PROS1: variants seen among roughly 807,000 people sequenced by gnomAD.
PROS1 encodes vitamin K-dependent protein S.
A neutral mutation model predicts 75.9 loss-of-function variants in PROS1; 29 were observed. The observed-to-expected ratio is 0.38, with a 90% CI of 0.28 to 0.52. PROS1 has a LOEUF of 0.52. Ranked by LOEUF, PROS1 falls within the 20% of genes least tolerant of loss-of-function variation. PROS1 has a pLI of 0.83. For missense variants in PROS1, 680 were observed against 810.3 expected, an observed-to-expected ratio of 0.84 and a Z score of 1.95; for synonymous variants, 245 against 280.6, an observed-to-expected ratio of 0.87 and a Z score of 1.27.
chr3:93,874,469 G>A, intron 14 of PROS1, 64 bp from the exon 15 acceptor site: 14 of 1,588,024 alleles, frequency 8.8e-6, no homozygotes, highest in Non-Finnish European at 1.1e-5. Flanking sequence ...TTTACAGTGA[G>A]AGAAGTCATT....
chr3:93,964,220 A>C (rs932849432), intron 1 of PROS1, among the ~76,000 whole-genome samples: 8 of 152,200 alleles, frequency 5.3e-5, no homozygotes, highest in African/African-American at 1.9e-4. Context: ...TTTAGGGAAC[A>C]AGGGAAGACA....
At chr3:93,904,891 C>T (rs534544759) in intron 6 of PROS1, among the ~76,000 whole-genome samples, 29 of 151,974 alleles carry the variant, frequency 1.9e-4, no homozygotes, top group Middle Eastern at 6.8e-3. Flanking sequence ...TGTTAGAAAG[C>T]TAAACTAACA....
intron 4 of PROS1, among the ~76,000 whole-genome samples, chr3:93,908,455 G>T (rs1708708723): frequency 6.6e-6 from 1 of 152,096 alleles, no homozygotes; most frequent in Non-Finnish European, 1.5e-5. Flanking sequence ...TTAGAATTCT[G>T]CTGGTCAGAG....
intron 1 of PROS1, among the ~76,000 whole-genome samples, chr3:93,937,317 T>C (rs1362431099): frequency 6.6e-6 from 1 of 151,868 alleles, no homozygotes; most frequent in Non-Finnish European, 1.5e-5. Context: ...AGTGTTCTTT[T>C]ACACAATGCC....
chr3:93,882,656 A>G (rs550225746), intron 12 of PROS1, among the ~76,000 whole-genome samples: 2 of 152,344 alleles, frequency 1.3e-5, no homozygotes, highest in South Asian at 4.1e-4. Context: ...AACTCCATGT[A>G]GGGGCTGACG....
chr3:93,927,470 TAAAC>T (rs1373079572), intron 1 of PROS1, 63 bp from the exon 2 acceptor site: 3 of 1,496,774 alleles, frequency 2.0e-6, no homozygotes, highest in Non-Finnish European at 2.7e-6. Context: ...ATTGTTTTAT[TAAAC>T]AATAAGAGTT....
chr3:93,897,292 T>C (rs150953732), intron 8 of PROS1, among the ~76,000 whole-genome samples: 1 of 152,246 alleles, frequency 6.6e-6, no homozygotes, highest in East Asian at 1.9e-4. Flanking sequence ...TGGTATCAAG[T>C]ATTTTTTTTC....
Position 93,925,603 on chromosome 3 carries a change from T to G in PROS1, c.235-1339A>C, listed in dbSNP as rs537058789. 4.1e-4 allele frequency among the ~76,000 whole-genome samples: 62 copies of G among 152,088 alleles called. No individual in the cohort carries two copies. In the Middle Eastern group the frequency reaches 0.017, roughly 42 times the overall value. On this transcript the variant is annotated intron_variant, in intron 2 of 14. Coordinates refer to ENST00000394236, the MANE Select transcript of PROS1 (RefSeq NM_000313.4). Reference sequence around the variant, plus strand: ...GTGTAATCCTAGCACTTTGGGAGACTAAGGTGGGCAGATTGCTCGAGCCCA... The same window carrying G: ...GTGTAATCCTAGCACTTTGGGAGACGAAGGTGGGCAGATTGCTCGAGCCCA...
chr3:93,900,709 C>A lies in PROS1; in HGVS notation c.727+95G>T, dbSNP rs1006904630. 4.0e-6 allele frequency: 6 copies of A among 1,518,890 alleles called. No homozygotes were observed. The African/African-American group carries it at 8.2e-5, about 21-fold the overall frequency. The allele number at this position is 1,518,890 out of a possible 1,614,324, so 94.1% of individuals were successfully genotyped here. ...CTATATTAGGGATAAGAAAATATGACTGTTGATGTCAAACAAAGCCAATGC... is the reference window on the plus strand; with the variant it reads ...CTATATTAGGGATAAGAAAATATGAATGTTGATGTCAAACAAAGCCAATGC... On this transcript the variant is annotated intron_variant, in intron 7 of 14. Transcript: ENST00000394236.
At chr3:93,881,523 A>C (rs1340748620) in intron 12 of PROS1, among the ~76,000 whole-genome samples, 1 of 151,818 alleles carries the variant, frequency 6.6e-6, no homozygotes, top group Non-Finnish European at 1.5e-5. Flanking sequence ...TAATTACATA[A>C]AAATTTAAAA....
chr3:93,884,614 A>G (rs760865026), intron 12 of PROS1, 114 bp downstream of exon 12: 19 of 1,207,522 alleles, frequency 1.6e-5, no homozygotes, highest in Admixed American at 2.1e-5. Context: ...GCATAAGACT[A>G]GAGTGGGCAC....
chr3:93,947,085 C>T (rs1332149632), intron 1 of PROS1, among the ~76,000 whole-genome samples: 1 of 152,150 alleles, frequency 6.6e-6, no homozygotes, highest in Admixed American at 6.5e-5. Context: ...CATCACTGGC[C>T]ATCAGCGAAA....
At chr3:93,947,103 C>G (rs1352991123) in intron 1 of PROS1, among the ~76,000 whole-genome samples, 1 of 152,126 alleles carries the variant, frequency 6.6e-6, no homozygotes, top group Non-Finnish European at 1.5e-5. Flanking sequence ...AAATGCAAAT[C>G]AAAACCACGA....
At chr3:93,949,694 G>C (rs1709462057) in intron 1 of PROS1, among the ~76,000 whole-genome samples, 1 of 152,164 alleles carries the variant, frequency 6.6e-6, no homozygotes, top group Non-Finnish European at 1.5e-5. Flanking sequence ...GGTATTTTAA[G>C]AAGTTGAAAG....
Position 93,905,887 on chromosome 3 carries a change from A to C in PROS1, c.498T>G (p.Asn166Lys). ...AAATTTGACTGCAACCTCCATTTAT[A>C]TTTGAGGGATCTTTGCATTCATTTA... Reference protein sequence around the residue: ...FDINECKDPSNINGGCSQICD... With the variant: ...FDINECKDPSKINGGCSQICD... Residue 166 changes from asparagine to lysine, a missense_variant, in exon 6 of 15, where the codon AAT becomes AAG. By Grantham distance (94) the Asn-to-Lys change is moderately conservative. Coordinates refer to ENST00000394236, the MANE Select transcript of PROS1 (RefSeq NM_000313.4). 6.2e-7 allele frequency: 1 copy of C among 1,612,994 alleles called. No homozygotes were observed. The highest frequency in any genetic ancestry group is 1.1e-5 in the South Asian group (1 of 91,042).
intron 8 of PROS1, among the ~76,000 whole-genome samples, chr3:93,897,013 C>A (rs1708511229): frequency 6.6e-6 from 1 of 152,074 alleles, no homozygotes; most frequent in African/African-American, 2.4e-5. Context: ...ATATATATTT[C>A]TTTAATTAAC....
At chr3:93,905,092 G>T (rs1360380461) in intron 6 of PROS1, among the ~76,000 whole-genome samples, 1 of 152,154 alleles carries the variant, frequency 6.6e-6, no homozygotes, top group South Asian at 2.1e-4. Flanking sequence ...AATGGAAGAG[G>T]TTATTGCAGT....
intron 6 of PROS1, among the ~76,000 whole-genome samples, chr3:93,904,628 G>C (rs8178633): frequency 0.085 from 12,852 of 151,616 alleles, 803 homozygotes; most frequent in African/African-American, 0.18. Flanking sequence ...TAACATTTTA[G>C]CAAAACAAGC....
rs147731991 is a variant in PROS1 at position 93,940,194 on chromosome 3, G to A, written c.77-12787C>T. The stretch of plus-strand genomic sequence containing the variant: ...ATCGGACAGTCCAACTCACCCATCA[G>A]TCACTCCCAGAGCCCCTGGAACTCT... On this transcript the variant is annotated intron_variant, in intron 1 of 14. Coordinates refer to ENST00000394236, the MANE Select transcript of PROS1 (RefSeq NM_000313.4). Among the ~76,000 whole-genome samples, 471 of 152,222 alleles carry A rather than the reference G, an allele frequency of 3.1e-3. 4 individuals carry two copies. Among genetic ancestry groups the A allele is most frequent in the African/African-American group, 0.011 (448 of 41,522 alleles).
Sources: allele counts gnomAD v4.1 joint callset (sites outside exome capture counted in the v4.1 genomes callset), GRCh38; gene constraint gnomAD v4.1.1; transcripts MANE v1.5; gene names NCBI Gene and HGNC (gene_info 2026-07-23, HGNC 2026-07-21).